The following AMPH variants were observed in gnomAD, a reference collection of about 807,000 sequenced individuals.
The protein encoded by AMPH is amphiphysin (Stiff-Mann syndrome with breast cancer 128kD autoantigen).
In AMPH, 49 loss-of-function variants were observed where a neutral mutation model predicts 99.1. That is an observed-to-expected ratio of 0.49 (90% CI 0.39 to 0.63). The LOEUF (loss-of-function observed/expected upper bound fraction) is 0.63, where lower values mean the gene tolerates loss of function less well. AMPH is among the 20% of genes least tolerant of loss of function. The pLI, the probability that AMPH is intolerant of heterozygous loss-of-function variation, is 0.00. For synonymous variants in AMPH, 314 were observed against 317.3 expected (o/e 0.99, Z 0.11); for missense variants, 759 against 863.4 (o/e 0.88, Z 1.52).
chr7:38,490,573 A>C (rs566412709), intron 5 of AMPH, among the ~76,000 whole-genome samples: 4 of 152,256 alleles, frequency 2.6e-5, no homozygotes, highest in African/African-American at 9.6e-5. Context: ...TCAACCTGAA[A>C]ATTTCAGTGA....
At chr7:38,425,537 T>C (rs1785752915) in intron 15 of AMPH, among the ~76,000 whole-genome samples, 1 of 152,226 alleles carries the variant, frequency 6.6e-6, no homozygotes, top group Non-Finnish European at 1.5e-5. Flanking sequence ...GTGAAATTCA[T>C]GACTTGGCTG....
chr7:38,424,404 T>C (rs911376807), intron 15 of AMPH, among the ~76,000 whole-genome samples: 1 of 152,192 alleles, frequency 6.6e-6, no homozygotes, highest in African/African-American at 2.4e-5. Context: ...TTCAGAGATA[T>C]AATGGAAGAG....
At chr7:38,517,711 T>C (rs564771789) in intron 2 of AMPH, among the ~76,000 whole-genome samples, 1 of 152,308 alleles carries the variant, frequency 6.6e-6, no homozygotes, top group Admixed American at 6.5e-5. Flanking sequence ...AGAAATTACT[T>C]AAATATGCAA....
chr7:38,429,395 T>C (rs1785914329), intron 14 of AMPH: 1 of 1,291,426 alleles, frequency 7.7e-7, no homozygotes, highest in South Asian at 1.2e-5. Flanking sequence ...CGGAGGGACA[T>C]GCAGAGTCTT....
intron 11 of AMPH, among the ~76,000 whole-genome samples, chr7:38,448,400 A>C (rs192654480): frequency 2.0e-5 from 3 of 152,298 alleles, no homozygotes; most frequent in Middle Eastern, 3.4e-3. Flanking sequence ...TGAAACCACA[A>C]ATGGTACAGA....
chr7:38,546,736 C>T (rs1791009071), intron 1 of AMPH, among the ~76,000 whole-genome samples: 1 of 152,042 alleles, frequency 6.6e-6, no homozygotes, highest in Non-Finnish European at 1.5e-5. Flanking sequence ...TTCTGGTGAC[C>T]CTGGGTAACA....
At chr7:38,427,511 A>G (rs973430076) in intron 14 of AMPH, among the ~76,000 whole-genome samples, 7 of 152,236 alleles carry the variant, frequency 4.6e-5, no homozygotes, top group Admixed American at 3.3e-4. Flanking sequence ...CTGCATAGTA[A>G]AAGTGAAAGT....
chr7:38,594,479 A>G (rs757079584), intron 1 of AMPH, among the ~76,000 whole-genome samples: 7 of 152,172 alleles, frequency 4.6e-5, no homozygotes, highest in Non-Finnish European at 1.0e-4. Context: ...GTGATCTATT[A>G]ACAACCTGTG....
At position 38,451,119 on chromosome 7, in the gene AMPH, C is replaced by T. The variant is rs180736701; in HGVS notation, c.1017+10164G>A. Among the ~76,000 whole-genome samples the T allele has an allele frequency of 4.9e-3, 739 of 151,270 alleles. 7 individuals carry two copies. The highest frequency in any genetic ancestry group is 4.8e-3 in the Non-Finnish European group (326 of 67,868). On this transcript the variant is annotated intron_variant, in intron 11 of 20. Transcript: ENST00000356264. ...TGTTGCCTAGACTGGTCCCAAACAC[C>T]TGGCCTCAAGCAATCCTCCTGCTTT...
At chr7:38,591,022 A>G (rs2129058007) in intron 1 of AMPH, among the ~76,000 whole-genome samples, 2 of 152,320 alleles carry the variant, frequency 1.3e-5, no homozygotes, top group South Asian at 4.1e-4. Context: ...ATAGCCTTAA[A>G]AGTTCATTTA....
chr7:38,448,182 A>G (rs1000870525), intron 11 of AMPH, among the ~76,000 whole-genome samples: 2 of 152,250 alleles, frequency 1.3e-5, no homozygotes, highest in Admixed American at 1.3e-4. Context: ...AGCTTATAAC[A>G]AGATTGCTCC....
At chr7:38,564,761 T>C (rs1352601462) in intron 1 of AMPH, among the ~76,000 whole-genome samples, 1 of 152,204 alleles carries the variant, frequency 6.6e-6, no homozygotes, top group Non-Finnish European at 1.5e-5. Context: ...AATGGCTATT[T>C]GTAGGTCGAA....
intron 12 of AMPH, 91 bp from the exon 13 acceptor site, chr7:38,432,303 AT>A (rs1457362140): frequency 3.3e-6 from 4 of 1,214,238 alleles, no homozygotes; most frequent in South Asian, 2.5e-5. Flanking sequence ...AATCATAAGC[AT>A]TTTTTAAGCA....
chr7:38,602,788 G>A (rs572563471), intron 1 of AMPH, among the ~76,000 whole-genome samples: 1 of 152,274 alleles, frequency 6.6e-6, no homozygotes, highest in African/African-American at 2.4e-5. Flanking sequence ...ACCCTGAAAT[G>A]ATGCACCAAG....
At chr7:38,407,302 G>GAC (rs1785069741) in intron 17 of AMPH, among the ~76,000 whole-genome samples, 4 of 136,808 alleles carry the variant, frequency 2.9e-5, no homozygotes, top group South Asian at 5.0e-4. Flanking sequence ...TAGAGAGAGA[G>GAC]AGAGACAGAG....
At chr7:38,530,540 C>T (rs573511294) in intron 2 of AMPH, among the ~76,000 whole-genome samples, 246 of 152,296 alleles carry the variant, frequency 1.6e-3, no homozygotes, top group African/African-American at 5.3e-3. Context: ...GGTGCTCCCA[C>T]CTGCACTCAC....
At chr7:38,596,525 T>C (rs1793066277) in intron 1 of AMPH, among the ~76,000 whole-genome samples, 1 of 152,166 alleles carries the variant, frequency 6.6e-6, no homozygotes, top group Non-Finnish European at 1.5e-5. Context: ...ACCCAAATCT[T>C]AAACTGGGAC....
intron 9 of AMPH, among the ~76,000 whole-genome samples, chr7:38,465,232 A>G (rs1031074675): frequency 2.6e-5 from 4 of 152,210 alleles, no homozygotes; most frequent in Non-Finnish European, 5.9e-5. Flanking sequence ...GAAAGCAGAG[A>G]GAGGCAGAGA....
At chr7:38,429,929 C>T in intron 13 of AMPH, 64 bp from the exon 14 acceptor site, 6 of 1,466,138 alleles carry the variant, frequency 4.1e-6, no homozygotes, top group Non-Finnish European at 5.6e-6. Flanking sequence ...ACAATAAAAT[C>T]CTATGCTGTC....
Sources: allele counts gnomAD v4.1 joint callset (sites outside exome capture counted in the v4.1 genomes callset), GRCh38; gene constraint gnomAD v4.1.1; transcripts MANE v1.5; gene names NCBI Gene and HGNC (gene_info 2026-07-23, HGNC 2026-07-21).